SKI: variants seen among roughly 807,000 people sequenced by gnomAD.
SKI encodes SKI proto-oncogene, also known as ski oncogene.
A neutral mutation model predicts 59.3 loss-of-function variants in SKI; 23 were observed. The observed-to-expected ratio is 0.39, with a 90% CI of 0.28 to 0.55. The LOEUF (loss-of-function observed/expected upper bound fraction) is 0.55, where lower values mean the gene tolerates loss of function less well. Ranked by LOEUF, SKI falls within the 20% of genes least tolerant of loss-of-function variation. The pLI, the probability that SKI is intolerant of heterozygous loss-of-function variation, is 0.67. For synonymous variants in SKI, 673 were observed against 488.6 expected (o/e 1.38, Z -4.98); for missense variants, 1,017 against 1,038.9 (o/e 0.98, Z 0.29).
At chr1:2,261,544 C>T (rs1557826351) in intron 1 of SKI, among the ~76,000 whole-genome samples, 1 of 152,110 alleles carries the variant, frequency 6.6e-6, no homozygotes. Context: ...TTTAAAAATT[C>T]GATTACTGGA....
chr1:2,306,962 T>C lies in SKI; in HGVS notation c.*197T>C, dbSNP rs1569869365. 5.8e-6 allele frequency: 2 copies of C among 342,066 alleles called. No individual in the cohort carries two copies. The highest frequency in any genetic ancestry group is 1.1e-4 in the East Asian group (2 of 17,720). The allele number at this position is 342,066 out of a possible 1,614,324, so 21.2% of individuals were successfully genotyped here. A position where few individuals can be genotyped will look rare whatever the true frequency, so the allele number is the denominator to read the frequency against. ...TTTCTACTGGCCAAGTTCAAGTGAGTAAGCCGCGTCCCCCAACTACAGCTG... is the reference window on the plus strand; with the variant it reads ...TTTCTACTGGCCAAGTTCAAGTGAGCAAGCCGCGTCCCCCAACTACAGCTG... On this transcript the variant is annotated 3_prime_UTR_variant, in exon 7 of 7. Transcript: ENST00000378536.
At position 2,268,612 on chromosome 1, in the gene SKI, G is replaced by T. The variant is rs976008441; in HGVS notation, c.970-34366G>T. 1.1e-4 allele frequency among the ~76,000 whole-genome samples: 16 copies of T among 152,224 alleles called. 1 individual carries two copies. The highest frequency in any genetic ancestry group is 1.5e-4 in the Non-Finnish European group (10 of 68,038). ...TGAATTTTCTTGGCTGGCTTGACAG[G>T]TCCCCCTTTCCCTCACCATGGAGTT... On this transcript the variant is annotated intron_variant, in intron 1 of 6. Transcript: ENST00000378536. The surrounding 1 kb of genome is among the most constrained non-coding windows in gnomAD (Gnocchi z 5.0).
intron 1 of SKI, among the ~76,000 whole-genome samples, chr1:2,244,537 G>A (rs1055582338): frequency 4.6e-5 from 7 of 152,238 alleles, no homozygotes; most frequent in East Asian, 3.9e-4. Flanking sequence ...CTGAGATGGC[G>A]CCATTGTACT....
At chr1:2,285,235 G>A (rs376500615) in intron 1 of SKI, among the ~76,000 whole-genome samples, 11 of 152,130 alleles carry the variant, frequency 7.2e-5, no homozygotes, top group South Asian at 4.1e-4. Context: ...CTTCCAGGCC[G>A]GTCGCAGTGG....
chr1:2,275,922 G>GCC (rs1639733319), intron 1 of SKI, among the ~76,000 whole-genome samples: 1 of 151,982 alleles, frequency 6.6e-6, no homozygotes, highest in Non-Finnish European at 1.5e-5. Context: ...CCTGGTCACT[G>GCC]CCCACCCTCC....
chr1:2,240,894 G>A (rs979438206), intron 1 of SKI: 18 of 728,054 alleles, frequency 2.5e-5, no homozygotes, highest in Admixed American at 6.3e-5. Flanking sequence ...GCCCTGCGTC[G>A]ACCCCAATCC....
At chr1:2,258,406 A>C (rs1639317737) in intron 1 of SKI, among the ~76,000 whole-genome samples, 1 of 152,094 alleles carries the variant, frequency 6.6e-6, no homozygotes, top group Admixed American at 6.5e-5. Flanking sequence ...GCGTCATGGA[A>C]GAACAGCAGA....
rs201304370 is a variant in SKI, at chr1:2,303,279, C to T, written c.1096-6C>T. The T allele has an allele frequency of 9.4e-5, 151 of 1,612,826 alleles. No individual in the cohort carries two copies. The highest frequency in any genetic ancestry group is 2.2e-4 in the Admixed American group (13 of 60,006). ...GTCACTCACACAGACAACTCTTTCTCGACAGAGCCTGGGCTGTGTTCACCC... is the reference window on the plus strand; with the variant it reads ...GTCACTCACACAGACAACTCTTTCTTGACAGAGCCTGGGCTGTGTTCACCC... On this transcript the variant is annotated splice_polypyrimidine_tract_variant and splice_region_variant and intron_variant, in intron 2 of 6. Transcript: ENST00000378536. The surrounding 1 kb of genome is among the most constrained non-coding windows in gnomAD (Gnocchi z 5.6).
intron 1 of SKI, among the ~76,000 whole-genome samples, chr1:2,252,231 T>G (rs1361369537): frequency 6.6e-6 from 1 of 152,144 alleles, no homozygotes; most frequent in Non-Finnish European, 1.5e-5. Context: ...AAAGAACGGG[T>G]CCATTCATTT....
rs760400230 is a variant in SKI, at chr1:2,229,678, G to C, written c.912G>C (p.Leu304=). ...KEEQARLGRC[L]DDVKEKFDYG... Reference sequence around the variant, plus strand: ...AGCAGGCGCGCCTCGGCCGCTGCCTGGACGACGTGAAGGAGAAATTCGACT... The same window carrying C: ...AGCAGGCGCGCCTCGGCCGCTGCCTCGACGACGTGAAGGAGAAATTCGACT... The change falls in exon 1 of 7, where the codon CTG becomes CTC. Residue 304 remains leucine, a synonymous_variant. Transcript: ENST00000378536. The surrounding 1 kb of genome is among the most constrained non-coding windows in gnomAD (Gnocchi z 6.3). The C allele has an allele frequency of 6.2e-7, 1 of 1,605,970 alleles. No individual in the cohort carries two copies. The highest frequency in any genetic ancestry group is 8.5e-7 in the Non-Finnish European group (1 of 1,176,992).
At chr1:2,304,181 G>T in intron 4 of SKI, 79 bp downstream of exon 4, 1 of 1,582,604 alleles carries the variant, frequency 6.3e-7, no homozygotes. Flanking sequence ...GGTCGCCGGG[G>T]GTGCGTTGGT....
chr1:2,265,177 G>A (rs1639475328), intron 1 of SKI, among the ~76,000 whole-genome samples: 1 of 152,120 alleles, frequency 6.6e-6, no homozygotes, highest in African/African-American at 2.4e-5. Flanking sequence ...TGGTTTCCCC[G>A]TGCCGCATGT....
intron 1 of SKI, among the ~76,000 whole-genome samples, chr1:2,244,528 T>G (rs1280560944): frequency 6.6e-6 from 1 of 152,116 alleles, no homozygotes; most frequent in East Asian, 1.9e-4. Context: ...TGCAGTGAGC[T>G]GAGATGGCGC....
At chr1:2,280,609 T>C (rs879126756) in intron 1 of SKI, among the ~76,000 whole-genome samples, 1,111 of 84,136 alleles carry the variant, frequency 0.013, no homozygotes, top group Middle Eastern at 0.04. Context: ...AGAGAGAAGA[T>C]GCCCGAGAAG....
Position 2,278,742 on chromosome 1 carries a change from G to A in SKI, c.970-24236G>A, listed in dbSNP as rs1037293399. 6.6e-5 allele frequency among the ~76,000 whole-genome samples: 10 copies of A among 151,972 alleles called. No individual in the cohort carries two copies. In the South Asian group the frequency reaches 2.1e-3, roughly 32 times the overall value. On this transcript the variant is annotated intron_variant, in intron 1 of 6. Transcript: ENST00000378536. ...TCTGGAGTGGCCCCTTCTGCTGGAGGCTGCCCCAGGCTGGATGCCGTGGCC... is the reference window on the plus strand; with the variant it reads ...TCTGGAGTGGCCCCTTCTGCTGGAGACTGCCCCAGGCTGGATGCCGTGGCC...
At chr1:2,301,519 C>T (rs139413373) in intron 1 of SKI, among the ~76,000 whole-genome samples, 2 of 152,196 alleles carry the variant, frequency 1.3e-5, no homozygotes, top group East Asian at 1.9e-4. Context: ...GGTGGGTGCA[C>T]GTGCTGCAGG....
intron 1 of SKI, among the ~76,000 whole-genome samples, chr1:2,260,547 T>TC (rs1557825885): frequency 7.4e-6 from 1 of 135,618 alleles, no homozygotes; most frequent in Non-Finnish European, 1.6e-5. Flanking sequence ...TTTTTTTTTT[T>TC]TTTTTTTTTT....
At chr1:2,274,668 C>G (rs1389984239) in intron 1 of SKI, among the ~76,000 whole-genome samples, 1 of 152,340 alleles carries the variant, frequency 6.6e-6, no homozygotes, top group Admixed American at 6.5e-5. Context: ...GCAGATACTG[C>G]CCCCTGGCCA....
Position 2,229,390 on chromosome 1 carries a change from G to A in SKI, c.624G>A (p.Ala208=), listed in dbSNP as rs1483170022. The stretch of plus-strand genomic sequence containing the variant: ...AGAAGGAGCTGGCCGCCAGCCTGGC[G>A]CTGGGCCTGGAGCTCAGCGAGCGCA... The part of the protein sequence containing the change: ...PCKKELAASL[A]LGLELSERSV... Residue 208 remains alanine, a synonymous_variant, in exon 1 of 7, where the codon GCG becomes GCA. Coordinates refer to ENST00000378536, the MANE Select transcript of SKI (RefSeq NM_003036.4). This position sits in a 1 kb window ranked among gnomAD's most constrained non-coding sequence, Gnocchi z 6.3. The A allele has an allele frequency of 1.2e-6, 2 of 1,605,468 alleles. No homozygotes were observed. Among genetic ancestry groups the A allele is most frequent in the Non-Finnish European group, 1.7e-6 (2 of 1,176,226 alleles).
Sources: allele counts gnomAD v4.1 joint callset (sites outside exome capture counted in the v4.1 genomes callset), GRCh38; gene constraint gnomAD v4.1.1; non-coding constraint Gnocchi (gnomAD v3.1); transcripts MANE v1.5; gene names NCBI Gene and HGNC (gene_info 2026-07-23, HGNC 2026-07-21).